Variants in PLCH2 observed in about 807,000 individuals in gnomAD.
PLCH2 encodes the protein phospholipase C eta 2, also known as 1-phosphatidylinositol 4,5-bisphosphate phosphodiesterase eta-2.
Under a neutral mutation model 134.7 loss-of-function variants are expected in PLCH2, and 98 were observed. That is an observed-to-expected ratio of 0.73 (90% CI 0.62 to 0.86). The LOEUF (loss-of-function observed/expected upper bound fraction) is 0.86. Among genes scored for constraint, PLCH2 ranks in the 40% least tolerant of loss-of-function variants. The pLI is 0.00. For missense variants in PLCH2, 1,994 were observed against 1,986.6 expected (o/e 1.00, Z -0.07); for synonymous variants, 974 against 827.5 (o/e 1.18, Z -3.04).
chr1:2,457,080 C>T (rs778956128), intron 2 of PLCH2, among the ~76,000 whole-genome samples: 3 of 152,202 alleles, frequency 2.0e-5, no homozygotes, highest in Admixed American at 1.3e-4. Context: ...CCTGGTGTGG[C>T]GGTGGTGGCT....
At chr1:2,475,728 C>T (rs1557990647), upstream of PLCH2, among the ~76,000 whole-genome samples, 3 of 152,230 alleles carry the variant, frequency 2.0e-5, no homozygotes, top group Non-Finnish European at 4.4e-5. Context: ...GGAGAAAGGT[C>T]AGGCTGGGGC....
chr1:2,427,073 G>A (rs1638833178), intron 1 of PLCH2, among the ~76,000 whole-genome samples: 1 of 152,242 alleles, frequency 6.6e-6, no homozygotes, highest in Non-Finnish European at 1.5e-5. Flanking sequence ...TGCCCAGGAC[G>A]TCTTGGCCGG....
At chr1:2,423,094 C>T (rs1195665190), upstream of PLCH2, among the ~76,000 whole-genome samples, 1 of 152,088 alleles carries the variant, frequency 6.6e-6, no homozygotes, top group Non-Finnish European at 1.5e-5. Flanking sequence ...TTTACCTAAG[C>T]CTGAATTTTA....
At chr1:2,435,181 CATG>C (rs1639270020) in intron 2 of PLCH2, among the ~76,000 whole-genome samples, 1 of 152,198 alleles carries the variant, frequency 6.6e-6, no homozygotes, top group African/African-American at 2.4e-5. Context: ...CGAAGGAGAG[CATG>C]TGGAAGATGG....
At chr1:2,488,783 T>C (rs1345246512) in intron 8 of PLCH2, among the ~76,000 whole-genome samples, 1 of 152,216 alleles carries the variant, frequency 6.6e-6, no homozygotes, top group Non-Finnish European at 1.5e-5. Context: ...CCAGGGCCAT[T>C]CAGAGGACAG....
At chr1:2,433,476 G>A (rs1186750646) in intron 2 of PLCH2, among the ~76,000 whole-genome samples, 1 of 152,212 alleles carries the variant, frequency 6.6e-6, no homozygotes, top group Admixed American at 6.5e-5. Flanking sequence ...GCTGGAGTAT[G>A]TGTCCCCGCC....
In PLCH2 at chr1:2,504,775, C is replaced by A; in HGVS notation, c.3813C>A (p.Gly1271=). 6.2e-7 allele frequency: 1 copy of A among 1,612,180 alleles called. No homozygotes were observed. Among genetic ancestry groups the A allele is most frequent in the Non-Finnish European group, 8.5e-7 (1 of 1,179,714 alleles). Residue 1271 remains glycine (G), a synonymous_variant, in exon 22 of 22, where the codon GGC becomes GGA. Coordinates refer to ENST00000378486, the MANE Select transcript of PLCH2 (RefSeq NM_014638.4). ...TADDFAPSFE[G]GSRRLSHSLG... ...ATGACTTTGCCCCTAGCTTTGAGGG[C>A]GGCTCCCGCAGACTGAGCCACAGCC... is the stretch of plus-strand genomic sequence containing the variant.
chr1:2,491,810 G>C (rs1185172003), intron 11 of PLCH2, among the ~76,000 whole-genome samples: 1 of 152,280 alleles, frequency 6.6e-6, no homozygotes, highest in African/African-American at 2.4e-5. Context: ...GGGTGGGACA[G>C]AGTGGGGAGC....
chr1:2,467,574 G>A (rs908534000), exon 1 of PLCH2: 82 of 403,872 alleles, frequency 2.0e-4, no homozygotes, highest in African/African-American at 1.5e-3. Flanking sequence ...ACAGGGCCCG[G>A]TGTCCCTCGG....
rs1643441810 is a variant in PLCH2 at position 2,504,706 on chromosome 1, C to T, written c.3744C>T (p.Cys1248=). 1 of 1,612,522 alleles carries T rather than the reference C, an allele frequency of 6.2e-7. No homozygotes were observed. The highest frequency in any genetic ancestry group is 8.5e-7 in the Non-Finnish European group (1 of 1,179,772). ...GCLSLVGVQD[C]PVAAKSKSLG... ...TTTCCCTGGTGGGCGTGCAGGACTG[C>T]CCCGTGGCTGCCAAGTCCAAGAGCC... Residue 1248 remains cysteine, a synonymous_variant, in exon 22 of 22, where the codon TGC becomes TGT. Transcript: ENST00000378486.
chr1:2,478,507 G>A lies in PLCH2; in HGVS notation c.156G>A (p.Gly52=). 6.2e-7 allele frequency: 1 copy of A among 1,612,912 alleles called. No homozygotes were observed. The highest frequency in any genetic ancestry group is 8.5e-7 in the Non-Finnish European group (1 of 1,179,810). The part of the protein sequence containing the change: ...VERCMGAMQE[G]MQMVKLRGGS... ...GGTGCATGGGTGCCATGCAAGAGGGGATGCAGATGGTGAAGCTGCGTGGCG... is the reference window on the plus strand; with the variant it reads ...GGTGCATGGGTGCCATGCAAGAGGGAATGCAGATGGTGAAGCTGCGTGGCG... The change falls in exon 2 of 22, where the codon GGG becomes GGA. Residue 52 remains glycine (G), a synonymous_variant. Transcript: ENST00000378486.
intron 1 of PLCH2, 119 bp downstream of exon 1, chr1:2,476,831 C>G: frequency 1.9e-6 from 2 of 1,061,252 alleles, no homozygotes; most frequent in Non-Finnish European, 2.6e-6. Context: ...CTGCACTCGC[C>G]TCCCCTGTCC....
intron 2 of PLCH2, among the ~76,000 whole-genome samples, chr1:2,440,282 G>C (rs1265620376): frequency 6.6e-6 from 1 of 152,164 alleles, no homozygotes; most frequent in Non-Finnish European, 1.5e-5. Context: ...CTGGAGCTGG[G>C]GAGGATCTCG....
intron 2 of PLCH2, among the ~76,000 whole-genome samples, chr1:2,433,484 G>A (rs1639169472): frequency 6.6e-6 from 1 of 151,438 alleles, no homozygotes. Flanking sequence ...ATGTGTCCCC[G>A]CCATTCTCAC....
At chr1:2,460,238 C>T (rs528754824) in intron 2 of PLCH2, among the ~76,000 whole-genome samples, 4 of 152,370 alleles carry the variant, frequency 2.6e-5, no homozygotes, top group Admixed American at 2.0e-4. Context: ...CCATGCTGCC[C>T]CGGGGTCCCA....
chr1:2,422,384 G>A (rs1316849807), upstream of PLCH2, among the ~76,000 whole-genome samples: 2 of 152,336 alleles, frequency 1.3e-5, no homozygotes, highest in African/African-American at 2.4e-5. Context: ...GAAGAGGGAC[G>A]TGGCTTTGCA....
At chr1:2,475,177 T>C (rs1012263233), upstream of PLCH2, among the ~76,000 whole-genome samples, 3 of 152,148 alleles carry the variant, frequency 2.0e-5, no homozygotes, top group African/African-American at 7.2e-5. Flanking sequence ...GACTGCCACC[T>C]CCCACGCCTG....
chr1:2,484,564 C>A lies in PLCH2; in HGVS notation c.762C>A (p.His254Gln), dbSNP rs1384741455. Residue 254 changes from histidine to glutamine, a missense_variant, in exon 5 of 22, where the codon CAC becomes CAA. This residue lies in a region of PLCH2 where 1,094 missense variants were observed against 1,234.3 expected (regional missense o/e 0.89). Transcript: ENST00000378486. ...TGCTCATGCTGACCTACAGCAACCACAAGGACCACCTGGATGCCGCCAGCC... is the reference window on the plus strand; with the variant it reads ...TGCTCATGCTGACCTACAGCAACCAAAAGGACCACCTGGATGCCGCCAGCC... ...LYLLMLTYSNHKDHLDAASLQ... is the reference protein window; with the variant it reads ...LYLLMLTYSNQKDHLDAASLQ... 1.2e-6 allele frequency: 2 copies of A among 1,613,190 alleles called. No individual in the cohort carries two copies. Among genetic ancestry groups the A allele is most frequent in the Non-Finnish European group, 1.7e-6 (2 of 1,179,828 alleles).
intron 21 of PLCH2, chr1:2,503,097 C>T (rs1260782466): frequency 1.4e-6 from 1 of 695,056 alleles, no homozygotes; most frequent in South Asian, 1.5e-5. Context: ...CCCCAGCCCT[C>T]CTGTCTGAGC....
Sources: allele counts gnomAD v4.1 joint callset (sites outside exome capture counted in the v4.1 genomes callset), GRCh38; gene constraint gnomAD v4.1.1; regional missense constraint gnomAD v4.1.1; transcripts MANE v1.5; gene names NCBI Gene and HGNC (gene_info 2026-07-23, HGNC 2026-07-21).